The following PLEKHG5 variants were observed in gnomAD, a reference collection of about 807,000 sequenced individuals.
PLEKHG5 encodes pleckstrin homology domain-containing family G member 5.
A neutral mutation model predicts 103.8 loss-of-function variants in PLEKHG5; 52 were observed. The ratio of observed to expected loss-of-function variants is 0.50; its 90% CI spans 0.40 to 0.63. The LOEUF is 0.63. Ranked by LOEUF, PLEKHG5 falls within the 30% of genes least tolerant of loss-of-function variation. The pLI is 0.00. For synonymous variants in PLEKHG5, 592 were observed against 575.5 expected (o/e 1.03, Z -0.41); for missense variants, 1,205 against 1,347.6 (o/e 0.89, Z 1.66).
chr1:6,506,434 C>T (rs574985799), intron 1 of PLEKHG5, among the ~76,000 whole-genome samples: 2 of 152,370 alleles, frequency 1.3e-5, no homozygotes, highest in Admixed American at 6.5e-5. Context: ...CCCCTCGGAG[C>T]CCCCACCGAG....
At chr1:6,496,913 G>A, upstream of PLEKHG5, 1 of 1,460,558 alleles carries the variant, frequency 6.8e-7, no homozygotes, top group Non-Finnish European at 9.0e-7. Flanking sequence ...CGGCAGGGCT[G>A]CTGGGGGGAA....
At chr1:6,471,880 G>A in intron 10 of PLEKHG5, 72 bp from the exon 11 acceptor site, 1 of 1,431,642 alleles carries the variant, frequency 7.0e-7, no homozygotes, top group Non-Finnish European at 9.6e-7. Flanking sequence ...CCAGCCTCAG[G>A]CTCCCCTGCC....
intron 1 of PLEKHG5, among the ~76,000 whole-genome samples, chr1:6,485,641 C>G (rs1645016075): frequency 6.7e-6 from 1 of 149,864 alleles, no homozygotes; most frequent in African/African-American, 2.4e-5. Context: ...CCCGGGGATC[C>G]CCGCCTCCCC....
intron 1 of PLEKHG5, among the ~76,000 whole-genome samples, chr1:6,512,663 T>C (rs1638509800): frequency 1.3e-5 from 2 of 152,182 alleles, no homozygotes; most frequent in South Asian, 4.1e-4. Context: ...CTCCAGGATG[T>C]CTTTCAGTGC....
At chr1:6,506,571 ACCC>A (rs1557770487) in intron 1 of PLEKHG5, among the ~76,000 whole-genome samples, 4 of 151,998 alleles carry the variant, frequency 2.6e-5, no homozygotes, top group African/African-American at 9.7e-5. Flanking sequence ...CCGGCTCCCC[ACCC>A]CTGACCTGTG....
upstream of PLEKHG5, among the ~76,000 whole-genome samples, chr1:6,492,719 G>A (rs1645168900): frequency 6.6e-6 from 1 of 152,182 alleles, no homozygotes; most frequent in African/African-American, 2.4e-5. Context: ...GAGAAGTGTA[G>A]TGACTTCCCC....
chr1:6,471,533 C>T lies in PLEKHG5; in HGVS notation c.1236G>A (p.Thr412=), dbSNP rs376823275. The change falls in exon 12 of 21, where the codon ACG becomes ACA. Residue 412 remains threonine (T), a synonymous_variant. Coordinates refer to ENST00000377728, the MANE Select transcript of PLEKHG5 (RefSeq NM_020631.6). ...MAPVLEKARR[T]RALLQPGDFL... ...AGTCCCCGGGCTGTAGCAGCGCTCGCGTGCGCCGCGCCTTCTCCAGCACCG... is the reference window on the plus strand; with the variant it reads ...AGTCCCCGGGCTGTAGCAGCGCTCGTGTGCGCCGCGCCTTCTCCAGCACCG... 880 of 1,609,534 alleles carry T rather than the reference C, an allele frequency of 5.5e-4. 2 individuals are homozygous for T. The highest frequency in any genetic ancestry group is 1.4e-3 in the South Asian group (131 of 90,612).
At chr1:6,470,932 C>G (rs201321803) in intron 13 of PLEKHG5, 48 bp from the exon 14 acceptor site, 2 of 1,548,404 alleles carry the variant, frequency 1.3e-6, no homozygotes. Flanking sequence ...CCGCCCCACC[C>G]GGCCCCGTCC....
intron 1 of PLEKHG5, among the ~76,000 whole-genome samples, chr1:6,488,350 G>C (rs2148618217): frequency 6.6e-6 from 1 of 152,378 alleles, no homozygotes; most frequent in African/African-American, 2.4e-5. Flanking sequence ...GGTGCCTCAG[G>C]CACAGGGCAG....
intron 1 of PLEKHG5, among the ~76,000 whole-genome samples, chr1:6,507,707 G>A (rs1430187338): frequency 3.3e-5 from 5 of 152,244 alleles, no homozygotes; most frequent in Non-Finnish European, 7.3e-5. Flanking sequence ...CCCCAGCTGA[G>A]GGCTAAGGTG....
chr1:6,479,067 C>T (rs531323274), intron 1 of PLEKHG5, among the ~76,000 whole-genome samples: 16 of 152,290 alleles, frequency 1.1e-4, no homozygotes, highest in Admixed American at 2.0e-4. Context: ...TTCTCGGCAC[C>T]CCCCTCCCCT....
At chr1:6,496,656 G>T, upstream of PLEKHG5, 1 of 927,650 alleles carries the variant, frequency 1.1e-6, no homozygotes, top group Non-Finnish European at 1.6e-6. Context: ...GGAGGGGTGG[G>T]GTGATCTCCT....
chr1:6,509,289 G>T (rs992464999), intron 1 of PLEKHG5, among the ~76,000 whole-genome samples: 1 of 152,230 alleles, frequency 6.6e-6, no homozygotes, highest in East Asian at 1.9e-4. Flanking sequence ...CCCTGGCCTG[G>T]GGCTGGAACC....
chr1:6,492,432 A>G (rs375935143), upstream of PLEKHG5, among the ~76,000 whole-genome samples: 28 of 152,212 alleles, frequency 1.8e-4, no homozygotes, highest in East Asian at 3.5e-3. Context: ...GGAACCCACA[A>G]TATCATTAGT....
chr1:6,484,582 C>T (rs889425225), intron 1 of PLEKHG5, among the ~76,000 whole-genome samples: 7 of 152,288 alleles, frequency 4.6e-5, no homozygotes, highest in African/African-American at 1.7e-4. Context: ...CGTCCCACCC[C>T]CAAACCCCAG....
chr1:6,476,147 T>C (rs1223448349), intron 2 of PLEKHG5, 111 bp from the exon 3 acceptor site: 1 of 881,370 alleles, frequency 1.1e-6, no homozygotes, highest in Non-Finnish European at 1.8e-6. Context: ...AGATTAAAGG[T>C]AGCAAGGGCC....
intron 1 of PLEKHG5, among the ~76,000 whole-genome samples, chr1:6,479,156 C>G (rs1228986567): frequency 6.6e-6 from 1 of 152,082 alleles, no homozygotes; most frequent in African/African-American, 2.4e-5. Flanking sequence ...ACTTGGGAAA[C>G]TGAACCTTGA....
At chr1:6,496,381 C>G (rs1290358445), upstream of PLEKHG5, 2 of 789,944 alleles carry the variant, frequency 2.5e-6, no homozygotes, top group Non-Finnish European at 4.2e-6. Context: ...CCCAGCCCAG[C>G]CAGCCGCGCC....
At chr1:6,515,674 T>C (rs1344712510) in intron 1 of PLEKHG5, among the ~76,000 whole-genome samples, 2 of 148,844 alleles carry the variant, frequency 1.3e-5, no homozygotes, top group Admixed American at 6.6e-5. Context: ...AAAAATTAAA[T>C]TAAAAAAAAA....
Sources: allele counts gnomAD v4.1 joint callset (sites outside exome capture counted in the v4.1 genomes callset), GRCh38; gene constraint gnomAD v4.1.1; transcripts MANE v1.5; gene names NCBI Gene and HGNC (gene_info 2026-07-23, HGNC 2026-07-21).